Variants in SCN2A observed in about 807,000 individuals in gnomAD.
The protein encoded by SCN2A is sodium channel protein type 2 subunit alpha.
Under a neutral mutation model 188.7 loss-of-function variants are expected in SCN2A, and 20 were observed. The observed-to-expected ratio is 0.11, with a 90% confidence interval of 0.07 to 0.15. The LOEUF is 0.15. SCN2A is among the 10% of genes least tolerant of loss of function. SCN2A has a pLI of 1.00. For missense variants in SCN2A, 1,278 were observed against 2,445.0 expected (o/e 0.52, Z 10.07); for synonymous variants, 804 against 833.1 (o/e 0.97, Z 0.60).
chr2:165,288,232 C>A (rs768062836), intron 1 of SCN2A, among the ~76,000 whole-genome samples: 2 of 152,054 alleles, frequency 1.3e-5, no homozygotes, highest in Non-Finnish European at 2.9e-5. Context: ...GTGTGGAATT[C>A]AGAGAAAAAT....
intron 12 of SCN2A, 104 bp downstream of exon 12, chr2:165,323,604 C>A: frequency 9.0e-7 from 1 of 1,112,876 alleles, no homozygotes; most frequent in Non-Finnish European, 1.3e-6. Flanking sequence ...GTTTGTTGCC[C>A]AAAGGCTGGG....
chr2:165,342,268 C>T, intron 14 of SCN2A, 28 bp from the exon 15 acceptor site: 5 of 1,590,650 alleles, frequency 3.1e-6, no homozygotes, highest in Non-Finnish European at 4.3e-6. Flanking sequence ...AGTATTTGCT[C>T]ATATAATGAA....
intron 25 of SCN2A, among the ~76,000 whole-genome samples, chr2:165,383,966 C>G (rs1558882037): frequency 1.3e-5 from 2 of 151,922 alleles, no homozygotes; most frequent in Admixed American, 6.6e-5. Flanking sequence ...ATAAAGGTTT[C>G]TTAAGATTCA....
At chr2:165,322,469 C>T (rs1376682873) in intron 11 of SCN2A, among the ~76,000 whole-genome samples, 2 of 152,116 alleles carry the variant, frequency 1.3e-5, no homozygotes, top group African/African-American at 2.4e-5. Context: ...TGATCAGCCT[C>T]TTAGTGAAAA....
At chr2:165,264,650 G>C (rs1033518196) in intron 1 of SCN2A, among the ~76,000 whole-genome samples, 3 of 152,026 alleles carry the variant, frequency 2.0e-5, no homozygotes. Flanking sequence ...CCCAGTGTGT[G>C]TTGGTTTCCT....
intron 22 of SCN2A, among the ~76,000 whole-genome samples, chr2:165,375,637 A>G (rs1701269791): frequency 6.6e-6 from 1 of 152,034 alleles, no homozygotes; most frequent in Admixed American, 6.6e-5. Context: ...AAGTATTTCA[A>G]AAAGTAAATG....
chr2:165,348,267 G>A (rs980470307), intron 16 of SCN2A, among the ~76,000 whole-genome samples: 3 of 150,814 alleles, frequency 2.0e-5, no homozygotes, highest in Admixed American at 1.3e-4. Flanking sequence ...GCTGAGGCAC[G>A]AGAATTGCTT....
At chr2:165,246,834 T>C (rs2106059717) in intron 1 of SCN2A, among the ~76,000 whole-genome samples, 1 of 152,222 alleles carries the variant, frequency 6.6e-6, no homozygotes, top group East Asian at 1.9e-4. Context: ...CCAGCAACCA[T>C]GCCACATGTC....
At chr2:165,279,533 A>T (rs920665203) in intron 1 of SCN2A, among the ~76,000 whole-genome samples, 4 of 152,194 alleles carry the variant, frequency 2.6e-5, no homozygotes, top group African/African-American at 9.6e-5. Flanking sequence ...TTATTATTAT[A>T]ACTACAGCCA....
chr2:165,391,415 C>T lies in SCN2A; in HGVS notation c.*1591C>T, dbSNP rs960353964. The T allele has an allele frequency of 2.6e-5, 4 of 152,338 alleles. No individual in the cohort carries two copies. Among genetic ancestry groups the T allele is most frequent in the Non-Finnish European group, 2.9e-5 (2 of 67,930 alleles). 9.4% of individuals were successfully genotyped at this position (152,338 alleles called of 1,614,324 possible). On this transcript the variant is annotated 3_prime_UTR_variant, in exon 27 of 27. Coordinates refer to ENST00000375437, the MANE Select transcript of SCN2A (RefSeq NM_001040142.2). ...TTATTTTATTTTTCAGCCTTTTGTA[C>T]GTAAAATGAGAAATTAAAAGTATCT...
rs1695989221 is a variant in SCN2A at position 165,289,225 on chromosome 2, C to G, written c.-51-6548C>G. ...TGGTACAATGTTTATTACTACATACCCTTATTTTTTTAAATTGTCTTATCT... is the reference window on the plus strand; with the variant it reads ...TGGTACAATGTTTATTACTACATACGCTTATTTTTTTAAATTGTCTTATCT... On this transcript the variant is annotated intron_variant, in intron 1 of 26. Coordinates refer to ENST00000375437, the MANE Select transcript of SCN2A (RefSeq NM_001040142.2). Among the ~76,000 whole-genome samples the G allele has an allele frequency of 2.0e-5, 3 of 151,758 alleles. 1 individual carries two copies. The South Asian group carries it at 6.2e-4, about 32-fold the overall frequency.
intron 3 of SCN2A, among the ~76,000 whole-genome samples, chr2:165,303,852 GA>G (rs1421409431): frequency 6.6e-6 from 1 of 151,922 alleles, no homozygotes; most frequent in Non-Finnish European, 1.5e-5. Flanking sequence ...ATGAAATAAG[GA>G]AAATGCCTGT....
intron 1 of SCN2A, among the ~76,000 whole-genome samples, chr2:165,291,165 C>G (rs1235474004): frequency 1.3e-5 from 2 of 151,274 alleles, no homozygotes; most frequent in African/African-American, 4.9e-5. Flanking sequence ...CCTCAGCCTC[C>G]CCAGTAGCTG....
At chr2:165,294,180 C>T in intron 1 of SCN2A, 2 of 856,902 alleles carry the variant, frequency 2.3e-6, no homozygotes, top group Non-Finnish European at 2.8e-6. Context: ...TGTGATGCTT[C>T]TCTACCTTTA....
At chr2:165,303,975 G>GT (rs1696980555) in intron 3 of SCN2A, among the ~76,000 whole-genome samples, 1 of 152,092 alleles carries the variant, frequency 6.6e-6, no homozygotes, top group Non-Finnish European at 1.5e-5. Context: ...TAAAGAGTAA[G>GT]TTTTTAAGTG....
chr2:165,299,484 A>T (rs1299981139), intron 3 of SCN2A, among the ~76,000 whole-genome samples: 1 of 152,222 alleles, frequency 6.6e-6, no homozygotes, highest in Non-Finnish European at 1.5e-5. Flanking sequence ...GATTTTAAAA[A>T]GTCTCTAATT....
intron 1 of SCN2A, among the ~76,000 whole-genome samples, chr2:165,250,927 T>G (rs1264424664): frequency 1.3e-5 from 2 of 152,002 alleles, no homozygotes; most frequent in East Asian, 3.9e-4. Flanking sequence ...TGACCTTAAT[T>G]GACTCAACCA....
At chr2:165,363,117 C>T (rs963888319) in intron 17 of SCN2A, among the ~76,000 whole-genome samples, 1 of 152,086 alleles carries the variant, frequency 6.6e-6, no homozygotes, top group Non-Finnish European at 1.5e-5. Context: ...TGACTTCTCC[C>T]AATCACTGTC....
intron 16 of SCN2A, among the ~76,000 whole-genome samples, chr2:165,349,248 G>A (rs1699763023): frequency 6.6e-6 from 1 of 152,200 alleles, no homozygotes; most frequent in African/African-American, 2.4e-5. Context: ...CAGCAATGGG[G>A]AATTAAGAAA....
Sources: allele counts gnomAD v4.1 joint callset (sites outside exome capture counted in the v4.1 genomes callset), GRCh38; gene constraint gnomAD v4.1.1; transcripts MANE v1.5; gene names NCBI Gene and HGNC (gene_info 2026-07-23, HGNC 2026-07-21).